The following PSKH1 variants were observed in gnomAD, a reference collection of about 807,000 sequenced individuals.
PSKH1 encodes protein serine kinase H1.
Under a neutral mutation model 26.7 loss-of-function variants are expected in PSKH1, and 12 were observed. That is an observed-to-expected ratio of 0.45 (90% confidence interval 0.29 to 0.73). The LOEUF is 0.73. Ranked by LOEUF, PSKH1 falls within the 30% of genes least tolerant of loss-of-function variation. The probability of loss-of-function intolerance (pLI) is 0.11; values close to 1 mark genes in which losing one functional copy is unlikely to be tolerated. For synonymous variants in PSKH1, 213 were observed against 234.3 expected, an observed-to-expected ratio of 0.91 and a Z score of 0.83; for missense variants, 431 against 595.2, an observed-to-expected ratio of 0.72 and a Z score of 2.87.
chr16:67,925,643 C>G (rs557889820), intron 2 of PSKH1, among the ~76,000 whole-genome samples: 3 of 152,248 alleles, frequency 2.0e-5, no homozygotes, highest in African/African-American at 7.2e-5. Flanking sequence ...GACTTTCCTC[C>G]TCCTGGGGGC....
chr16:67,911,123 G>A (rs534753333), intron 2 of PSKH1, among the ~76,000 whole-genome samples: 2 of 152,364 alleles, frequency 1.3e-5, no homozygotes, highest in African/African-American at 4.8e-5. Flanking sequence ...GTGAAGAAGA[G>A]AGTCTGTGTC....
At chr16:67,899,740 C>T (rs532265616) in intron 1 of PSKH1, among the ~76,000 whole-genome samples, 2 of 151,780 alleles carry the variant, frequency 1.3e-5, no homozygotes, top group African/African-American at 2.4e-5. Context: ...CTCTGCCTCT[C>T]AGGTTCAAGC....
At chr16:67,897,641 G>T (rs1364359004) in intron 1 of PSKH1, among the ~76,000 whole-genome samples, 1 of 152,140 alleles carries the variant, frequency 6.6e-6, no homozygotes, top group Admixed American at 6.6e-5. Flanking sequence ...AATATTTCTG[G>T]GTTGAACGTT....
In PSKH1 at chr16:67,927,179, C is replaced by T. The variant is rs770195153; in HGVS notation, c.958-146C>T. On this transcript the variant is annotated intron_variant, in intron 2 of 2. Coordinates refer to ENST00000291041, the MANE Select transcript of PSKH1 (RefSeq NM_006742.3). The surrounding 1 kb of genome is among the most constrained non-coding windows in gnomAD (Gnocchi z 5.5). ...GCAGCCCTTGTTCAGCCTGAGCCAG[C>T]GTTGGGCGGGGAGGCCCCAAGTGCT... 26 of 781,248 alleles carry T rather than the reference C, an allele frequency of 3.3e-5. No homozygotes were observed. In the Middle Eastern group the frequency reaches 1.1e-3, roughly 34 times the overall value. 48.4% of individuals were successfully genotyped at this position (781,248 alleles called of 1,614,324 possible).
Position 67,927,189 on chromosome 16 carries a change from G to A in PSKH1, c.958-136G>A. On this transcript the variant is annotated intron_variant, in intron 2 of 2. Coordinates refer to ENST00000291041, the MANE Select transcript of PSKH1 (RefSeq NM_006742.3). This position sits in a 1 kb window ranked among gnomAD's most constrained non-coding sequence, Gnocchi z 5.5. Reference sequence around the variant, plus strand: ...TTCAGCCTGAGCCAGCGTTGGGCGGGGAGGCCCCAAGTGCTACATGAGAGG... The same window carrying A: ...TTCAGCCTGAGCCAGCGTTGGGCGGAGAGGCCCCAAGTGCTACATGAGAGG... 1.2e-6 allele frequency: 1 copy of A among 864,142 alleles called. No individual in the cohort carries two copies. 53.5% of individuals were successfully genotyped at this position (864,142 alleles called of 1,614,324 possible).
Position 67,902,252 on chromosome 16 carries a change from T to TC in PSKH1, c.-70-6426dup, listed in dbSNP as rs772287408. ...GCCAACTTAGGTGATAAAGCGAGAC[T>TC]CCATCTCAAAAAAAAAAAAAGAAAT... On this transcript the variant is annotated intron_variant, in intron 1 of 2. Coordinates refer to ENST00000291041, the MANE Select transcript of PSKH1 (RefSeq NM_006742.3). Among the ~76,000 whole-genome samples, 472 of 149,964 alleles carry TC rather than the reference T, an allele frequency of 3.1e-3. 6 individuals carry two copies. The highest frequency in any genetic ancestry group is 0.011 in the African/African-American group (445 of 40,712).
At chr16:67,921,353 A>G (rs971916640) in intron 2 of PSKH1, among the ~76,000 whole-genome samples, 1 of 152,066 alleles carries the variant, frequency 6.6e-6, no homozygotes, top group African/African-American at 2.4e-5. Context: ...AGGCGGGCAG[A>G]TCTTGAGGTC....
Position 67,927,186 on chromosome 16 carries a change from C to G in PSKH1, c.958-139C>G. On this transcript the variant is annotated intron_variant, in intron 2 of 2. Coordinates refer to ENST00000291041, the MANE Select transcript of PSKH1 (RefSeq NM_006742.3). This position sits in a 1 kb window ranked among gnomAD's most constrained non-coding sequence, Gnocchi z 5.5. ...TTGTTCAGCCTGAGCCAGCGTTGGG[C>G]GGGGAGGCCCCAAGTGCTACATGAG... 1.2e-6 allele frequency: 1 copy of G among 839,608 alleles called. No individual in the cohort carries two copies. Among genetic ancestry groups the G allele is most frequent in the Non-Finnish European group, 1.9e-6 (1 of 537,216 alleles). 52.0% of individuals were successfully genotyped at this position (839,608 alleles called of 1,614,324 possible).
chr16:67,912,071 C>T (rs1386826807), intron 2 of PSKH1, among the ~76,000 whole-genome samples: 1 of 152,324 alleles, frequency 6.6e-6, no homozygotes, highest in East Asian at 1.9e-4. Context: ...GCAGAGTGGT[C>T]AGCCTTGTGG....
Position 67,927,893 on chromosome 16 carries a change from A to C in PSKH1, c.*251A>C. 1 of 524,636 alleles carries C rather than the reference A, an allele frequency of 1.9e-6. No individual in the cohort carries two copies. Among genetic ancestry groups the C allele is most frequent in the South Asian group, 2.8e-5 (1 of 35,544 alleles). The allele number at this position is 524,636 out of a possible 1,614,324, so 32.5% of individuals were successfully genotyped here. ...ACTGGGAGCCTGGCCTGGCACTGAT[A>C]CCCCTCTTGGTGGGCAGCTGCTCTG... On this transcript the variant is annotated 3_prime_UTR_variant, in exon 3 of 3. Transcript: ENST00000291041. The surrounding 1 kb of genome is among the most constrained non-coding windows in gnomAD (Gnocchi z 5.5).
intron 1 of PSKH1, among the ~76,000 whole-genome samples, chr16:67,905,400 T>C (rs1306484104): frequency 6.6e-6 from 1 of 152,164 alleles, no homozygotes; most frequent in East Asian, 1.9e-4. Context: ...CAGTGTGTTA[T>C]TCTCTCTCCC....
Position 67,909,242 on chromosome 16 carries a change from C to G in PSKH1, c.493C>G (p.Gln165Glu). 1 of 1,614,134 alleles carries G rather than the reference C, an allele frequency of 6.2e-7. No individual in the cohort carries two copies. The highest frequency in any genetic ancestry group is 8.5e-7 in the Non-Finnish European group (1 of 1,180,038). ...IIQLVEVFET[Q>E]ERVYMVMELA... ...CCAGCTGGTGGAGGTGTTCGAGACA[C>G]AGGAGCGGGTGTACATGGTGATGGA... is the stretch of plus-strand genomic sequence containing the variant. Residue 165 changes from glutamine to glutamate, a missense_variant, in exon 2 of 3, where the codon CAG becomes GAG. By Grantham distance (29) the Gln-to-Glu change is conservative. Coordinates refer to ENST00000291041, the MANE Select transcript of PSKH1 (RefSeq NM_006742.3). This position sits in a 1 kb window ranked among gnomAD's most constrained non-coding sequence, Gnocchi z 7.8.
At position 67,918,987 on chromosome 16, in the gene PSKH1, G is replaced by A. The variant is rs376630516; in HGVS notation, c.958-8338G>A. ...CATGTCTCAGTGCTCTCTAGGTGAC[G>A]GGGCTTGGTTATGCAGCCTGGTCCT... is the stretch of plus-strand genomic sequence containing the variant. On this transcript the variant is annotated intron_variant, in intron 2 of 2. Transcript: ENST00000291041. 1.7e-4 allele frequency among the ~76,000 whole-genome samples: 26 copies of A among 152,250 alleles called. No individual in the cohort carries two copies. In the South Asian group the frequency reaches 5.0e-3, roughly 29 times the overall value.
chr16:67,913,351 T>C (rs1020065919), intron 2 of PSKH1, among the ~76,000 whole-genome samples: 1 of 152,152 alleles, frequency 6.6e-6, no homozygotes, highest in Non-Finnish European at 1.5e-5. Flanking sequence ...TTTCACCATG[T>C]TGGCCAGGCT....
rs184079767 is a variant in PSKH1, at chr16:67,904,332, G to A, written c.-70-4348G>A. On this transcript the variant is annotated intron_variant, in intron 1 of 2. Transcript: ENST00000291041. ...TAATTCTGCCTCAGCCTCCTGAGTA[G>A]CTGGGATTACAGGCATGCGCCACCA... is the stretch of plus-strand genomic sequence containing the variant. Among the ~76,000 whole-genome samples, 270 of 152,066 alleles carry A rather than the reference G, an allele frequency of 1.8e-3. 1 individual carries two copies. The highest frequency in any genetic ancestry group is 3.1e-3 in the Non-Finnish European group (214 of 68,010).
chr16:67,917,879 C>G (rs2058191730), intron 2 of PSKH1, among the ~76,000 whole-genome samples: 1 of 152,112 alleles, frequency 6.6e-6, no homozygotes, highest in Non-Finnish European at 1.5e-5. Flanking sequence ...GAATGTTTAC[C>G]CAGCACCCAG....
Position 67,908,944 on chromosome 16 carries a change from C to T in PSKH1, c.195C>T (p.Pro65=), listed in dbSNP as rs1408627823. Residue 65 remains proline (P), a synonymous_variant, in exon 2 of 3, where the codon CCC becomes CCT. Coordinates refer to ENST00000291041, the MANE Select transcript of PSKH1 (RefSeq NM_006742.3). The part of the protein sequence containing the change: ...ASQYAHPCPG[P]PTAGHTEPPS... ...AGTATGCACACCCCTGCCCCGGTCC[C>T]CCGACTGCTGGCCACACGGAGCCTC... 2 of 1,613,922 alleles carry T rather than the reference C, an allele frequency of 1.2e-6. No individual in the cohort carries two copies. The highest frequency in any genetic ancestry group is 1.1e-5 in the South Asian group (1 of 91,056).
Position 67,927,695 on chromosome 16 carries a change from G to A in PSKH1, c.*53G>A, listed in dbSNP as rs2091603534. 3 of 1,536,124 alleles carry A rather than the reference G, an allele frequency of 2.0e-6. No individual in the cohort carries two copies. The South Asian group carries it at 3.6e-5, about 19-fold the overall frequency. ...CGACCCAGCCTGGCCACACACTGTGGTGCCATCTGGGTCCGATGCCCTCTC... is the reference window on the plus strand; with the variant it reads ...CGACCCAGCCTGGCCACACACTGTGATGCCATCTGGGTCCGATGCCCTCTC... On this transcript the variant is annotated 3_prime_UTR_variant, in exon 3 of 3. Transcript: ENST00000291041. This position sits in a 1 kb window ranked among gnomAD's most constrained non-coding sequence, Gnocchi z 5.5.
chr16:67,897,359 G>A (rs1598185266), intron 1 of PSKH1, among the ~76,000 whole-genome samples: 1 of 152,202 alleles, frequency 6.6e-6, no homozygotes, highest in East Asian at 1.9e-4. Context: ...TCATCACTGA[G>A]CTAATTCTTG....
Sources: gnomAD v4.1 joint callset for allele counts (sites outside exome capture counted in the v4.1 genomes callset) on GRCh38, gnomAD v4.1.1 for gene constraint, Gnocchi (gnomAD v3.1) non-coding constraint, MANE v1.5 for transcripts, NCBI Gene and HGNC (gene_info 2026-07-23, HGNC 2026-07-21) for gene names.